LAMA5: variants seen among roughly 807,000 people sequenced by gnomAD.
LAMA5 encodes the protein laminin subunit alpha 5.
In LAMA5, 260 loss-of-function variants were observed where a neutral mutation model predicts 433.4. That is an observed-to-expected ratio of 0.60 (90% CI 0.54 to 0.66). The LOEUF (loss-of-function observed/expected upper bound fraction) is 0.66, where lower values mean the gene tolerates loss of function less well. Among genes scored for constraint, LAMA5 ranks in the 30% least tolerant of loss-of-function variants. LAMA5 has a pLI of 0.00. For synonymous variants in LAMA5, 2,620 were observed against 2,226.6 expected, an observed-to-expected ratio of 1.18 and a Z score of -4.97; for missense variants, 5,378 against 5,258.5, an observed-to-expected ratio of 1.02 and a Z score of -0.70.
At chr20:62,353,337 T>A in intron 2 of LAMA5, 86 bp from the exon 3 acceptor site, 2 of 974,558 alleles carry the variant, frequency 2.1e-6, no homozygotes, top group Non-Finnish European at 3.1e-6. Context: ...GCCCCTCAGG[T>A]GAGGCCACAG....
chr20:62,312,469 C>T lies in LAMA5; in HGVS notation c.9291G>A (p.Leu3097=), dbSNP rs773806902. The change falls in exon 68 of 80, where the codon CTG becomes CTA. Residue 3097 remains leucine (L), a synonymous_variant. Transcript: ENST00000252999. ...VRGCVKGIKA[L]GKYVDLKRLN... ...GCCGCTTGAGGTCCACATACTTGCC[C>T]AGGGCCTTGATGCCTTTGACGCAGC... is the stretch of plus-strand genomic sequence containing the variant. 2 of 1,598,396 alleles carry T rather than the reference C, an allele frequency of 1.3e-6. No individual in the cohort carries two copies. The highest frequency in any genetic ancestry group is 1.1e-5 in the South Asian group (1 of 91,022).
chr20:62,349,931 C>T (rs1170958613), intron 6 of LAMA5, among the ~76,000 whole-genome samples: 1 of 149,250 alleles, frequency 6.7e-6, no homozygotes, highest in Non-Finnish European at 1.5e-5. Flanking sequence ...TGGCTGATGA[C>T]ATGGAGCCCC....
At position 62,347,047 on chromosome 20, in the gene LAMA5, G is replaced by A. The variant is rs759478901; in HGVS notation, c.957-19C>T. ...CTGCAGCCTGTGGGGTACACAGGAG[G>A]GGGGATCAGGCCCATCCTGGAGGCA... On this transcript the variant is annotated intron_variant, in intron 6 of 79. Transcript: ENST00000252999. The A allele has an allele frequency of 6.3e-7, 1 of 1,597,718 alleles. No individual in the cohort carries two copies. Among genetic ancestry groups the A allele is most frequent in the South Asian group, 1.1e-5 (1 of 90,468 alleles).
chr20:62,315,874 A>G (rs1986880702), intron 58 of LAMA5, 74 bp downstream of exon 58: 2 of 1,146,398 alleles, frequency 1.7e-6, no homozygotes, highest in African/African-American at 3.1e-5. Flanking sequence ...CTCACCAACC[A>G]CATGTGGCCA....
In LAMA5 at chr20:62,338,507, C is replaced by T. The variant is rs561586499; in HGVS notation, c.1579G>A (p.Glu527Lys). Residue 527 changes from glutamate to lysine, a missense_variant, in exon 12 of 80, where the codon GAG becomes AAG. Coordinates refer to ENST00000252999, the MANE Select transcript of LAMA5 (RefSeq NM_005560.6). ...CKPNFQGTHCELCAPGFYGPG... is the reference protein window; with the variant it reads ...CKPNFQGTHCKLCAPGFYGPG... The stretch of plus-strand genomic sequence containing the variant: ...CCGTAGAACCCTGGCGCGCAGAGCT[C>T]ACAATGGGTGCCTTGGAAGTTGGGT... 1.9e-6 allele frequency: 3 copies of T among 1,609,788 alleles called. No homozygotes were observed. The South Asian group carries it at 3.3e-5, about 18-fold the overall frequency.
intron 11 of LAMA5, among the ~76,000 whole-genome samples, chr20:62,339,950 G>C (rs964772908): frequency 1.3e-5 from 2 of 152,204 alleles, no homozygotes; most frequent in African/African-American, 4.8e-5. Context: ...CCTCTTGAAA[G>C]AGCGTACCTT....
chr20:62,362,349 C>A (rs372787515), intron 2 of LAMA5, 51 bp downstream of exon 2: 14 of 1,400,590 alleles, frequency 1.0e-5, no homozygotes, highest in Non-Finnish European at 1.3e-5. Flanking sequence ...GTAGGCCCGA[C>A]GGGCACAGAC....
chr20:62,335,705 C>A (rs1226513209), intron 18 of LAMA5, among the ~76,000 whole-genome samples: 1 of 132,718 alleles, frequency 7.5e-6, no homozygotes, highest in African/African-American at 2.9e-5. Flanking sequence ...AACACCCCCT[C>A]CAGAGCACAC....
intron 1 of LAMA5, among the ~76,000 whole-genome samples, chr20:62,363,648 G>C (rs1227590299): frequency 6.6e-6 from 1 of 152,092 alleles, no homozygotes; most frequent in African/African-American, 2.4e-5. Context: ...CCCAGGCTTG[G>C]GGTTGATTGA....
In LAMA5 at chr20:62,316,194, A is replaced by G. The variant is rs566802239; in HGVS notation, c.7757-136T>C. 264 of 661,346 alleles carry G rather than the reference A, an allele frequency of 4.0e-4. No homozygotes were observed. The African/African-American group carries it at 4.4e-3, about 11-fold the overall frequency. 41.0% of individuals were successfully genotyped at this position (661,346 alleles called of 1,614,324 possible). A position where few individuals can be genotyped will look rare whatever the true frequency, so the allele number is the denominator to read the frequency against. ...GATGGACAGGGACACTCAGACATGGAGTCCCTTAGCCTGTGGGGAGGTGTT... is the reference window on the plus strand; with the variant it reads ...GATGGACAGGGACACTCAGACATGGGGTCCCTTAGCCTGTGGGGAGGTGTT... On this transcript the variant is annotated intron_variant, in intron 57 of 79. Coordinates refer to ENST00000252999, the MANE Select transcript of LAMA5 (RefSeq NM_005560.6).
chr20:62,309,345 T>C lies in LAMA5; in HGVS notation c.11079A>G (p.Pro3693=). 1 of 1,591,006 alleles carries C rather than the reference T, an allele frequency of 6.3e-7. No individual in the cohort carries two copies. Among genetic ancestry groups the C allele is most frequent in the Admixed American group, 1.7e-5 (1 of 59,312 alleles). The change falls in exon 80 of 80, where the codon CCA becomes CCG. Residue 3693 remains proline (P), a synonymous_variant. Coordinates refer to ENST00000252999, the MANE Select transcript of LAMA5 (RefSeq NM_005560.6). ...VHGAVGASGC[P]AA is the part of the protein sequence containing the mutation. ...CGGGGTTGGCTGTGTCCTAGGCGGC[T>C]GGGCAGCCACTGGCCCCCACTGCCC...
chr20:62,311,350 G>T, intron 72 of LAMA5, 43 bp from the exon 73 acceptor site: 1 of 1,522,318 alleles, frequency 6.6e-7, no homozygotes. Context: ...CCACACAGGG[G>T]CCACCCTTCC....
rs1323271307 is a variant in LAMA5 at position 62,310,998 on chromosome 20, G to GA, written c.10184dup (p.Leu3396ProfsTer147). 1.2e-6 allele frequency: 2 copies of GA among 1,611,000 alleles called. No homozygotes were observed. The highest frequency in any genetic ancestry group is 2.7e-5 in the African/African-American group (2 of 74,926). On this transcript the variant is annotated frameshift_variant, in exon 74 of 80. Transcript: ENST00000252999. LOFTEE classifies it high-confidence loss of function. ...GTGCAACGAAGTGGCCATTGCTCAGGAAGAGCGCCAGGGAGGGGCTGCCGG... is the reference window on the plus strand; with the variant it reads ...GTGCAACGAAGTGGCCATTGCTCAGGAAAGAGCGCCAGGGAGGGGCTGCCGG...
chr20:62,323,921 G>A, intron 43 of LAMA5, 65 bp from the exon 44 acceptor site: 1 of 1,506,340 alleles, frequency 6.6e-7, no homozygotes. Context: ...CGAGCACACT[G>A]TGCTCCGGCT....
chr20:62,339,795 T>C (rs1259648463), intron 11 of LAMA5, among the ~76,000 whole-genome samples: 2 of 151,872 alleles, frequency 1.3e-5, no homozygotes, highest in Non-Finnish European at 2.9e-5. Context: ...GGAAAGGAAA[T>C]GTTTCAGCAG....
At position 62,309,424 on chromosome 20, in the gene LAMA5, C is replaced by T. The variant is rs540146064; in HGVS notation, c.11000G>A (p.Arg3667Lys). Residue 3667 changes from arginine to lysine, a missense_variant, in exon 80 of 80, where the codon AGG becomes AAG. Arg to Lys is a conservative substitution (Grantham distance 26). Coordinates refer to ENST00000252999, the MANE Select transcript of LAMA5 (RefSeq NM_005560.6). ...GACGGGGGACCGGTTCACCGCCAGC[C>T]TCCTCATGCAGCCGCAGTAGGCGGG... ...WPPAYCGCMR[R>K]LAVNRSPVAM... The T allele has an allele frequency of 2.1e-5, 34 of 1,584,912 alleles. No homozygotes were observed. The highest frequency in any genetic ancestry group is 2.2e-4 in the Middle Eastern group (1 of 4,456).
At position 62,327,661 on chromosome 20, in the gene LAMA5, C is replaced by A. The variant is rs535840805; in HGVS notation, c.4806G>T (p.Val1602=). 1 of 1,612,982 alleles carries A rather than the reference C, an allele frequency of 6.2e-7. No homozygotes were observed. Among genetic ancestry groups the A allele is most frequent in the African/African-American group, 1.3e-5 (1 of 75,054 alleles). Residue 1602 remains valine, a synonymous_variant, in exon 37 of 80, where the codon GTG becomes GTT. Transcript: ENST00000252999. ...TGCACTGGTCACATTTGGGGCCCTGCACGTTCTCCTAGGGATGAGAGGACA... is the reference window on the plus strand; with the variant it reads ...TGCACTGGTCACATTTGGGGCCCTGAACGTTCTCCTAGGGATGAGAGGACA... ...LTGQCYCKEN[V]QGPKCDQCSL...
chr20:62,334,881 A>AGGCTGGCACCAAGG, intron 20 of LAMA5, 140 bp downstream of exon 20: 4 of 794,186 alleles, frequency 5.0e-6, no homozygotes, highest in Non-Finnish European at 8.2e-6. Flanking sequence ...ACCCTGGCAC[A>AGGCTGGCACCAAGG]GGCTGGCACC....
intron 43 of LAMA5, 41 bp from the exon 44 acceptor site, chr20:62,323,897 T>TGCCCGG: frequency 6.4e-7 from 1 of 1,559,386 alleles, no homozygotes; most frequent in Non-Finnish European, 8.7e-7. Context: ...CCCCTGGCAG[T>TGCCCGG]GCCCGGGCCC....
Sources: allele counts gnomAD v4.1 joint callset (sites outside exome capture counted in the v4.1 genomes callset), GRCh38; gene constraint gnomAD v4.1.1; transcripts MANE v1.5; gene names NCBI Gene and HGNC (gene_info 2026-07-23, HGNC 2026-07-21).